The following NEGR1 variants were observed in gnomAD, a reference collection of about 807,000 sequenced individuals.
The protein encoded by NEGR1 is neuronal growth regulator 1, also known as IgLON family member 4.
In NEGR1, 10 loss-of-function variants were observed where a neutral mutation model predicts 40.9. The ratio of observed to expected loss-of-function variants is 0.24; its 90% CI spans 0.15 to 0.42. NEGR1 has a LOEUF of 0.42. NEGR1 is among the 10% of genes least tolerant of loss of function. The pLI, the probability that NEGR1 is intolerant of heterozygous loss-of-function variation, is 1.00. For synonymous variants in NEGR1, 185 were observed against 166.8 expected (o/e 1.11, Z -0.84); for missense variants, 352 against 438.9 (o/e 0.80, Z 1.77).
At chr1:71,692,891 T>C (rs1395225288) in intron 4 of NEGR1, among the ~76,000 whole-genome samples, 1 of 151,814 alleles carries the variant, frequency 6.6e-6, no homozygotes, top group Admixed American at 6.6e-5. Context: ...ATTAATCAAT[T>C]CTATTTTACT....
chr1:71,496,099 T>G (rs1646961351), intron 6 of NEGR1, among the ~76,000 whole-genome samples: 1 of 152,172 alleles, frequency 6.6e-6, no homozygotes, highest in African/African-American at 2.4e-5. Flanking sequence ...TAATTATATT[T>G]TTTCCTATTT....
At chr1:71,960,906 T>C (rs1646160742) in intron 1 of NEGR1, among the ~76,000 whole-genome samples, 1 of 152,194 alleles carries the variant, frequency 6.6e-6, no homozygotes, top group Non-Finnish European at 1.5e-5. Context: ...CAAAATTCCT[T>C]AGATGACAAA....
At chr1:72,095,651 A>T (rs1032367066) in intron 1 of NEGR1, among the ~76,000 whole-genome samples, 23 of 151,972 alleles carry the variant, frequency 1.5e-4, no homozygotes, top group African/African-American at 3.6e-4. Context: ...ACATATATAT[A>T]TTTTTTTAAA....
intron 1 of NEGR1, among the ~76,000 whole-genome samples, chr1:72,141,259 A>G (rs1308884954): frequency 1.3e-5 from 2 of 152,032 alleles, no homozygotes; most frequent in Non-Finnish European, 2.9e-5. Flanking sequence ...CATCCTGTGG[A>G]GATATAAGAA....
chr1:71,606,204 T>C (rs1159661607), intron 5 of NEGR1, among the ~76,000 whole-genome samples: 1 of 152,212 alleles, frequency 6.6e-6, no homozygotes, highest in Non-Finnish European at 1.5e-5. Flanking sequence ...AGCTTCTATC[T>C]AGCTCTCTCC....
intron 1 of NEGR1, among the ~76,000 whole-genome samples, chr1:72,098,865 TCTG>T (rs1365984799): frequency 5.3e-5 from 8 of 152,116 alleles, no homozygotes; most frequent in African/African-American, 1.9e-4. Context: ...CTTCAGCTTT[TCTG>T]GATGAAGTGG....
intron 4 of NEGR1, among the ~76,000 whole-genome samples, chr1:71,677,525 C>T (rs1652685511): frequency 6.6e-6 from 1 of 152,046 alleles, no homozygotes; most frequent in South Asian, 2.1e-4. Context: ...ATTTTACAGC[C>T]ACAAAAGAGC....
At position 71,762,230 on chromosome 1, in the gene NEGR1, G is replaced by A. The variant is rs188391505; in HGVS notation, c.535+13942C>T. Among the ~76,000 whole-genome samples the A allele has an allele frequency of 2.8e-3, 415 of 149,240 alleles. 2 individuals carry two copies. The highest frequency in any genetic ancestry group is 9.2e-3 in the African/African-American group (377 of 40,774). On this transcript the variant is annotated intron_variant, in intron 3 of 6. Coordinates refer to ENST00000357731, the MANE Select transcript of NEGR1 (RefSeq NM_173808.3). Reference sequence around the variant, plus strand: ...TAAAAAATGCTCAGGTAACCCACAGGAATGCAGGAAAAAGAAAATAGAGAA... The same window carrying A: ...TAAAAAATGCTCAGGTAACCCACAGAAATGCAGGAAAAAGAAAATAGAGAA...
chr1:71,415,630 C>A (rs528504220), intron 6 of NEGR1, among the ~76,000 whole-genome samples: 1 of 151,998 alleles, frequency 6.6e-6, no homozygotes, highest in Admixed American at 6.6e-5. Context: ...AAACAAATAC[C>A]GCTATCTTTT....
intron 1 of NEGR1, among the ~76,000 whole-genome samples, chr1:72,250,871 C>G (rs1374961337): frequency 6.6e-6 from 1 of 152,150 alleles, no homozygotes; most frequent in Non-Finnish European, 1.5e-5. Flanking sequence ...AACAGCTCAC[C>G]CCCACTGGGA....
intron 3 of NEGR1, among the ~76,000 whole-genome samples, chr1:71,702,478 G>T (rs1359205522): frequency 1.3e-5 from 2 of 151,998 alleles, no homozygotes; most frequent in Non-Finnish European, 2.9e-5. Flanking sequence ...GAGCTATAAA[G>T]AGAAGTTATA....
At chr1:72,079,579 T>A (rs1252899274) in intron 1 of NEGR1, among the ~76,000 whole-genome samples, 8 of 152,150 alleles carry the variant, frequency 5.3e-5, no homozygotes, top group African/African-American at 1.7e-4. Context: ...AGTAAAACAA[T>A]ACCAGTCGTT....
chr1:71,611,399 C>T lies in NEGR1; in HGVS notation c.668-253G>A, dbSNP rs142995669. ...AATGCAATACATTTTGGCCTTGCTT[C>T]CTACTGGAAAAATGGCATTGGTGAG... is the stretch of plus-strand genomic sequence containing the variant. On this transcript the variant is annotated intron_variant, in intron 4 of 6. Coordinates refer to ENST00000357731, the MANE Select transcript of NEGR1 (RefSeq NM_173808.3). Among the ~76,000 whole-genome samples the T allele has an allele frequency of 2.6e-5, 4 of 152,180 alleles. No individual in the cohort carries two copies. In the East Asian group the frequency reaches 5.8e-4, roughly 22 times the overall value.
Position 71,829,777 on chromosome 1 carries a change from C to T in NEGR1, c.410-53480G>A, listed in dbSNP as rs541308785. On this transcript the variant is annotated intron_variant, in intron 2 of 6. Coordinates refer to ENST00000357731, the MANE Select transcript of NEGR1 (RefSeq NM_173808.3). ...CTTTCAGAGATTTTCACAGCATACT[C>T]TTATGGTCCACAGTGAAATGTGTAG... Among the ~76,000 whole-genome samples the T allele has an allele frequency of 1.9e-3, 284 of 152,138 alleles. 1 individual carries two copies. The highest frequency in any genetic ancestry group is 3.4e-3 in the Non-Finnish European group (234 of 67,944).
rs1386817150 is a variant in NEGR1 at position 71,430,649 on chromosome 1, CT to C, written c.941-23080del. On this transcript the variant is annotated intron_variant, in intron 6 of 6. Coordinates refer to ENST00000357731, the MANE Select transcript of NEGR1 (RefSeq NM_173808.3). Reference sequence around the variant, plus strand: ...TTTTCTGAAGTGGTATGTCTTATAGCTTTTTTTTAAAAAAAAAAAGTTGTGA... The same window carrying C: ...TTTTCTGAAGTGGTATGTCTTATAGCTTTTTTTAAAAAAAAAAAGTTGTGA... 1.2e-3 allele frequency among the ~76,000 whole-genome samples: 153 copies of C among 128,244 alleles called. 1 individual carries two copies. The highest frequency in any genetic ancestry group is 4.8e-3 in the Middle Eastern group (1 of 208). The allele number at this position is 128,244 out of a possible 152,430, so 84.1% of individuals were successfully genotyped here.
chr1:71,639,349 C>T (rs1651270644), intron 4 of NEGR1, among the ~76,000 whole-genome samples: 1 of 151,970 alleles, frequency 6.6e-6, no homozygotes, highest in South Asian at 2.1e-4. Flanking sequence ...TTTTACAGTT[C>T]TTCAATGTGC....
At chr1:71,759,287 CTTTTT>C (rs759687500) in intron 3 of NEGR1, among the ~76,000 whole-genome samples, 5 of 85,218 alleles carry the variant, frequency 5.9e-5, no homozygotes, top group South Asian at 4.5e-4. Flanking sequence ...AAGATTATAA[CTTTTT>C]TTTTTTTTTT....
intron 4 of NEGR1, among the ~76,000 whole-genome samples, chr1:71,693,904 C>T (rs1051395680): frequency 6.6e-6 from 1 of 151,722 alleles, no homozygotes; most frequent in Non-Finnish European, 1.5e-5. Flanking sequence ...CTTTCTTACA[C>T]AAATCTATAT....
rs1286386109 is a variant in NEGR1, at chr1:72,149,680, C to T, written c.176+132639G>A. ...GGCAGATCACCTGAAGTCGGGAGTTCGAGACCAGACTGACCAACGTGGAGA... is the reference window on the plus strand; with the variant it reads ...GGCAGATCACCTGAAGTCGGGAGTTTGAGACCAGACTGACCAACGTGGAGA... On this transcript the variant is annotated intron_variant, in intron 1 of 6. Transcript: ENST00000357731. 5.9e-5 allele frequency among the ~76,000 whole-genome samples: 9 copies of T among 151,514 alleles called. No homozygotes were observed. The Admixed American group carries it at 5.9e-4, about 10-fold the overall frequency.
Sources: allele counts gnomAD v4.1 joint callset (sites outside exome capture counted in the v4.1 genomes callset), GRCh38; gene constraint gnomAD v4.1.1; transcripts MANE v1.5; gene names NCBI Gene and HGNC (gene_info 2026-07-23, HGNC 2026-07-21).